Variants in VSIG8 observed in about 807,000 individuals in gnomAD.
VSIG8 encodes the protein V-set and immunoglobulin domain containing 8.
In VSIG8, 32 loss-of-function variants were observed where a neutral mutation model predicts 42.6. The observed-to-expected ratio is 0.75, with a 90% CI of 0.57 to 1.01. The LOEUF is 1.01. VSIG8 is among the 50% of genes least tolerant of loss of function. The pLI, the probability that VSIG8 is intolerant of heterozygous loss-of-function variation, is 0.00. For missense variants in VSIG8, 529 were observed against 558.0 expected, an observed-to-expected ratio of 0.95 and a Z score of 0.52; for synonymous variants, 290 against 243.8, an observed-to-expected ratio of 1.19 and a Z score of -1.77.
chr1:159,859,253 C>T (rs1219009200), intron 1 of VSIG8, among the ~76,000 whole-genome samples: 1 of 152,182 alleles, frequency 6.6e-6, no homozygotes, highest in African/African-American at 2.4e-5. Flanking sequence ...TATTCATGTA[C>T]ATGACCACGT....
At position 159,854,980 on chromosome 1, in the gene VSIG8, G is replaced by A. The variant is rs1210207064; in HGVS notation, c.1018C>T (p.Arg340Cys). ...GGGTACCCCAGGAGGTGGGTGACGC[G>A]GCTGCCGCGCCCGCTGGCCTTGCAC... ...PGCKASGRGS[R>C]VTHLLGYPTQ... The change falls in exon 7 of 7, where the codon CGC (arginine) becomes TGC (cysteine). Residue 340 changes from arginine to cysteine, a missense_variant. By Grantham distance (180) the Arg-to-Cys change is radical (BLOSUM62 -3). Transcript: ENST00000368100. 1.3e-6 allele frequency: 2 copies of A among 1,554,694 alleles called. No individual in the cohort carries two copies. Among genetic ancestry groups the A allele is most frequent in the African/African-American group, 2.8e-5 (2 of 72,492 alleles).
In VSIG8 at chr1:159,862,563, C is replaced by A. The variant is rs771347923; in HGVS notation, c.-42G>T. The A allele has an allele frequency of 1.6e-5, 24 of 1,509,400 alleles. No homozygotes were observed. Among genetic ancestry groups the A allele is most frequent in the Non-Finnish European group, 1.9e-5 (21 of 1,108,364 alleles). 93.5% of individuals were successfully genotyped at this position (1,509,400 alleles called of 1,614,324 possible). On this transcript the variant is annotated 5_prime_UTR_variant, in exon 1 of 7. Transcript: ENST00000368100. Reference sequence around the variant, plus strand: ...TTTCCTCCGTCTGGGCTGGGTATCCCGTGGGGTCGTAGTGGTGGGTGTGAG... The same window carrying A: ...TTTCCTCCGTCTGGGCTGGGTATCCAGTGGGGTCGTAGTGGTGGGTGTGAG...
At position 159,854,711 on chromosome 1, in the gene VSIG8, C is replaced by T. The variant is rs1234058552; in HGVS notation, c.*42G>A. On this transcript the variant is annotated 3_prime_UTR_variant, in exon 7 of 7. Coordinates refer to ENST00000368100, the MANE Select transcript of VSIG8 (RefSeq NM_001013661.1). ...CCAGCTGCAGACAGAGAGCCCCGCG[C>T]CCTCCTCCTGGCTGGGGCGCAGCCC... 1.4e-6 allele frequency: 2 copies of T among 1,422,388 alleles called. No individual in the cohort carries two copies. The highest frequency in any genetic ancestry group is 3.0e-5 in the East Asian group (1 of 33,498). The allele number at this position is 1,422,388 out of a possible 1,614,324, so 88.1% of individuals were successfully genotyped here.
chr1:159,854,583 G>A lies in VSIG8; in HGVS notation c.*170C>T, dbSNP rs1648731738. 3.2e-6 allele frequency: 4 copies of A among 1,231,974 alleles called. No homozygotes were observed. The highest frequency in any genetic ancestry group is 2.1e-5 in the South Asian group (1 of 47,080). 76.3% of individuals were successfully genotyped at this position (1,231,974 alleles called of 1,614,324 possible). A position where few individuals can be genotyped will look rare whatever the true frequency, so the allele number is the denominator to read the frequency against. On this transcript the variant is annotated 3_prime_UTR_variant, in exon 7 of 7. Coordinates refer to ENST00000368100, the MANE Select transcript of VSIG8 (RefSeq NM_001013661.1). Reference sequence around the variant, plus strand: ...TCGCCCGCCCCTTCCCACTTTTGGGGAGGAGGCTCTGCCTCCCTACGCATT... The same window carrying A: ...TCGCCCGCCCCTTCCCACTTTTGGGAAGGAGGCTCTGCCTCCCTACGCATT...
At position 159,854,973 on chromosome 1, in the gene VSIG8, G is replaced by T. The variant is rs767378807; in HGVS notation, c.1025C>A (p.Thr342Asn). The change falls in exon 7 of 7, where the codon ACC (threonine) becomes AAC (asparagine). Residue 342 changes from threonine to asparagine, a missense_variant. Transcript: ENST00000368100. ...CKASGRGSRV[T>N]HLLGYPTQNV... ...CTGCGTCGGGTACCCCAGGAGGTGG[G>T]TGACGCGGCTGCCGCGCCCGCTGGC... 1 of 1,552,626 alleles carries T rather than the reference G, an allele frequency of 6.4e-7. No homozygotes were observed. The highest frequency in any genetic ancestry group is 2.4e-5 in the East Asian group (1 of 40,868).
intron 4 of VSIG8, 120 bp downstream of exon 4, chr1:159,857,625 T>C: frequency 1.4e-6 from 1 of 693,938 alleles, no homozygotes; most frequent in South Asian, 2.2e-5. Context: ...AGAGGGAGGG[T>C]CTCCCACAGG....
intron 6 of VSIG8, 104 bp from the exon 7 acceptor site, chr1:159,855,130 G>T: frequency 6.4e-7 from 1 of 1,551,214 alleles, no homozygotes; most frequent in Non-Finnish European, 8.7e-7. Flanking sequence ...TGTCTCCCGC[G>T]CCTCCCTCCA....
intron 6 of VSIG8, 67 bp from the exon 7 acceptor site, chr1:159,855,093 C>T: frequency 6.4e-7 from 1 of 1,556,044 alleles, no homozygotes. Context: ...ACGGCCTGGG[C>T]AGAGCCGGGG....
At chr1:159,860,562 A>T (rs1481225619) in intron 1 of VSIG8, 1 of 152,276 alleles carries the variant, frequency 6.6e-6, no homozygotes, top group Non-Finnish European at 1.5e-5. Context: ...CAGCTCTGTC[A>T]TAACCCAGCT....
intron 6 of VSIG8, chr1:159,855,667 T>C (rs1648791389): frequency 4.2e-6 from 4 of 956,990 alleles, no homozygotes; most frequent in Admixed American, 1.2e-4. Context: ...AGGAGGGAAA[T>C]GGAAGGCAGG....
chr1:159,860,086 C>T (rs1028973099), intron 1 of VSIG8, among the ~76,000 whole-genome samples: 13 of 152,180 alleles, frequency 8.5e-5, no homozygotes, highest in African/African-American at 3.1e-4. Flanking sequence ...CGTCTGCGTT[C>T]TTTTTTGAGT....
At chr1:159,855,825 G>A (rs1300717034) in intron 6 of VSIG8, 58 bp downstream of exon 6, 3 of 1,489,070 alleles carry the variant, frequency 2.0e-6, no homozygotes, top group Non-Finnish European at 2.7e-6. Context: ...CAGGAGTGAG[G>A]TGGGCAGGGC....
At chr1:159,855,520 G>A in intron 6 of VSIG8, 1 of 985,104 alleles carries the variant, frequency 1.0e-6, no homozygotes, top group South Asian at 4.7e-5. Context: ...TAAGTTATTA[G>A]CACTATTCTT....
Position 159,858,381 on chromosome 1 carries a change from C to T in VSIG8, c.229-90G>A, listed in dbSNP as rs950309591. On this transcript the variant is annotated intron_variant, in intron 2 of 6. Transcript: ENST00000368100. Reference sequence around the variant, plus strand: ...CTGCTTTGGGCAATTCACTGAACTTCTCTGAGACTCTTTTCTCAGCTGAAA... The same window carrying T: ...CTGCTTTGGGCAATTCACTGAACTTTTCTGAGACTCTTTTCTCAGCTGAAA... 5.8e-5 allele frequency: 76 copies of T among 1,299,176 alleles called. No individual in the cohort carries two copies. In the Admixed American group the frequency reaches 9.2e-4, roughly 16 times the overall value. 80.5% of individuals were successfully genotyped at this position (1,299,176 alleles called of 1,614,324 possible). A position where few individuals can be genotyped will look rare whatever the true frequency, so the allele number is the denominator to read the frequency against.
At chr1:159,855,064 TC>T in intron 6 of VSIG8, 38 bp from the exon 7 acceptor site, 1 of 1,566,062 alleles carries the variant, frequency 6.4e-7, no homozygotes, top group Non-Finnish European at 8.7e-7. Flanking sequence ...AGCGGGCTGC[TC>T]CGCAGCGGGG....
At chr1:159,860,030 A>G (rs1336926431) in intron 1 of VSIG8, among the ~76,000 whole-genome samples, 17 of 151,976 alleles carry the variant, frequency 1.1e-4, no homozygotes, top group Admixed American at 1.1e-3. Flanking sequence ...CCCAGTCTCC[A>G]GCAACCCTGC....
At chr1:159,860,088 T>C (rs113628409) in intron 1 of VSIG8, among the ~76,000 whole-genome samples, 1 of 152,188 alleles carries the variant, frequency 6.6e-6, no homozygotes, top group Non-Finnish European at 1.5e-5. Flanking sequence ...TCTGCGTTCT[T>C]TTTTGAGTCA....
At position 159,856,065 on chromosome 1, in the gene VSIG8, G is replaced by A. The variant is rs148311082; in HGVS notation, c.789C>T (p.Gly263=). ...AGCCCAGGACGATGCCGATGATCACGCCTATACGCCGGGAGTCTGTGGAGA... is the reference window on the plus strand; with the variant it reads ...AGCCCAGGACGATGCCGATGATCACACCTATACGCCGGGAGTCTGTGGAGA... ...EVKVSDSRRI[G]VIIGIVLGSL... The change falls in exon 6 of 7, where the codon GGC becomes GGT. Residue 263 remains glycine, a synonymous_variant. Coordinates refer to ENST00000368100, the MANE Select transcript of VSIG8 (RefSeq NM_001013661.1). 1.2e-4 allele frequency: 186 copies of A among 1,611,870 alleles called. No homozygotes were observed. In the African/African-American group the frequency reaches 1.9e-3, roughly 16 times the overall value.
chr1:159,860,383 C>T (rs565092113), intron 1 of VSIG8, among the ~76,000 whole-genome samples: 2 of 152,356 alleles, frequency 1.3e-5, no homozygotes, highest in African/African-American at 2.4e-5. Context: ...ACACACCCAC[C>T]GTGTGTTCAT....
Sources: gnomAD v4.1 joint callset for allele counts (sites outside exome capture counted in the v4.1 genomes callset) on GRCh38, gnomAD v4.1.1 for gene constraint, MANE v1.5 for transcripts, NCBI Gene and HGNC (gene_info 2026-07-23, HGNC 2026-07-21) for gene names.